PRKCH: variants seen among roughly 807,000 people sequenced by gnomAD.
PRKCH encodes protein kinase C eta, also known as protein kinase C eta type.
PRKCH carries 28 observed loss-of-function variants against 82.5 expected under a neutral mutation model. The ratio of observed to expected loss-of-function variants is 0.34; its 90% CI spans 0.25 to 0.47. The LOEUF is 0.47. PRKCH is among the 20% of genes least tolerant of loss of function. The probability of loss-of-function intolerance (pLI) is 1.00; values close to 1 mark genes in which losing one functional copy is unlikely to be tolerated. For missense variants in PRKCH, 705 were observed against 881.8 expected (o/e 0.80, Z 2.54); for synonymous variants, 322 against 327.4 (o/e 0.98, Z 0.18).
intron 1 of PRKCH, among the ~76,000 whole-genome samples, chr14:61,233,770 T>G (rs919606453): frequency 6.6e-6 from 1 of 152,208 alleles, no homozygotes; most frequent in Non-Finnish European, 1.5e-5. Context: ...CATGTAAAGT[T>G]TCACCATGAT....
intron 1 of PRKCH, among the ~76,000 whole-genome samples, chr14:61,300,411 G>A (rs374151001): frequency 6.6e-6 from 1 of 152,138 alleles, no homozygotes; most frequent in African/African-American, 2.4e-5. Context: ...TGCTAAGCCT[G>A]GCAATATGAC....
intron 2 of PRKCH, among the ~76,000 whole-genome samples, chr14:61,414,696 G>A (rs1882463716): frequency 6.8e-6 from 1 of 146,422 alleles, no homozygotes; most frequent in Non-Finnish European, 1.5e-5. Context: ...GGCTGGGCTG[G>A]TCTTGAACTC....
intron 1 of PRKCH, among the ~76,000 whole-genome samples, chr14:61,213,959 A>G (rs2044600244): frequency 6.6e-6 from 1 of 152,200 alleles, no homozygotes; most frequent in Non-Finnish European, 1.5e-5. Flanking sequence ...TATAGTTTAG[A>G]GACAACTTAG....
intron 3 of PRKCH, among the ~76,000 whole-genome samples, chr14:61,444,810 A>G (rs1473516352): frequency 1.3e-5 from 2 of 152,196 alleles, no homozygotes; most frequent in East Asian, 1.9e-4. Context: ...AAACTTTCAT[A>G]TAGTACTTAA....
intron 1 of PRKCH, among the ~76,000 whole-genome samples, chr14:61,247,735 CAAAAA>C (rs202153655): frequency 3.4e-4 from 18 of 52,720 alleles, no homozygotes; most frequent in Middle Eastern, 0.019. Flanking sequence ...GACTCCATCT[CAAAAA>C]AAAAAAAAAA....
At chr14:61,383,414 G>A (rs984293472) in intron 1 of PRKCH, among the ~76,000 whole-genome samples, 1 of 152,086 alleles carries the variant, frequency 6.6e-6, no homozygotes, top group African/African-American at 2.4e-5. Flanking sequence ...GGAGGTTACA[G>A]ACTTATTGCA....
chr14:61,487,598 A>G (rs1164433300), intron 10 of PRKCH, among the ~76,000 whole-genome samples: 1 of 152,002 alleles, frequency 6.6e-6, no homozygotes, highest in East Asian at 1.9e-4. Context: ...CCGAAGAGAG[A>G]CGTTTCCACA....
chr14:61,310,277 T>G (rs932852572), intron 1 of PRKCH, among the ~76,000 whole-genome samples: 15 of 152,202 alleles, frequency 9.9e-5, no homozygotes, highest in African/African-American at 3.4e-4. Context: ...ACAAGGCAAG[T>G]CCCTTCCGCC....
At chr14:61,515,887 C>T (rs1047469690) in intron 10 of PRKCH, among the ~76,000 whole-genome samples, 2 of 151,896 alleles carry the variant, frequency 1.3e-5, no homozygotes, top group Non-Finnish European at 2.9e-5. Flanking sequence ...AAGGGCTCTA[C>T]AGCACTTAAT....
chr14:61,500,454 T>A (rs1228620397), intron 10 of PRKCH, among the ~76,000 whole-genome samples: 1 of 152,104 alleles, frequency 6.6e-6, no homozygotes, highest in African/African-American at 2.4e-5. Flanking sequence ...CACTGTGGCC[T>A]CCTAAAGTGC....
At chr14:61,324,424 C>A (rs557238482) in intron 1 of PRKCH, among the ~76,000 whole-genome samples, 1 of 152,128 alleles carries the variant, frequency 6.6e-6, no homozygotes, top group Non-Finnish European at 1.5e-5. Flanking sequence ...GTTTTTCATG[C>A]GTTTGCATGC....
intron 1 of PRKCH, among the ~76,000 whole-genome samples, chr14:61,326,280 A>G (rs2140121565): frequency 6.6e-6 from 1 of 152,382 alleles, no homozygotes; most frequent in African/African-American, 2.4e-5. Flanking sequence ...GAACTATTAC[A>G]CATGTAACAA....
At chr14:61,296,049 A>C (rs2045403546) in intron 1 of PRKCH, among the ~76,000 whole-genome samples, 2 of 152,220 alleles carry the variant, frequency 1.3e-5, no homozygotes, top group Admixed American at 1.3e-4. Context: ...GAAAAGACAA[A>C]TCAGTAAAAT....
At chr14:61,311,438 T>C (rs998353860) in intron 1 of PRKCH, among the ~76,000 whole-genome samples, 3 of 152,342 alleles carry the variant, frequency 2.0e-5, no homozygotes, top group Admixed American at 1.3e-4. Context: ...TGGGCTTCAT[T>C]GTCCATATCA....
At chr14:61,471,287 G>A (rs562379916) in intron 9 of PRKCH, among the ~76,000 whole-genome samples, 9 of 152,314 alleles carry the variant, frequency 5.9e-5, no homozygotes, top group African/African-American at 1.2e-4. Flanking sequence ...GGTTCTGGCC[G>A]GTTTGAAGCC....
At chr14:61,312,707 C>G (rs930021321) in intron 1 of PRKCH, among the ~76,000 whole-genome samples, 2 of 152,072 alleles carry the variant, frequency 1.3e-5, no homozygotes, top group African/African-American at 4.8e-5. Context: ...TTTATAAAAC[C>G]ATCAGATCTC....
chr14:61,494,214 A>G (rs745589573), intron 10 of PRKCH, among the ~76,000 whole-genome samples: 1 of 152,156 alleles, frequency 6.6e-6, no homozygotes, highest in Non-Finnish European at 1.5e-5. Context: ...AGATCACCCA[A>G]TAGGAGTCTC....
chr14:61,209,687 T>G (rs1946820119), intron 1 of PRKCH, among the ~76,000 whole-genome samples: 1 of 152,186 alleles, frequency 6.6e-6, no homozygotes, highest in Admixed American at 6.5e-5. Flanking sequence ...TTCTTTTAGA[T>G]GCAGGGGATT....
At chr14:61,235,083 G>C (rs2044776688) in intron 1 of PRKCH, among the ~76,000 whole-genome samples, 1 of 152,206 alleles carries the variant, frequency 6.6e-6, no homozygotes. Context: ...GTTGATCCCA[G>C]ACACCTTTAG....
Sources: gnomAD v4.1 joint callset for allele counts (sites outside exome capture counted in the v4.1 genomes callset) on GRCh38, gnomAD v4.1.1 for gene constraint, MANE v1.5 for transcripts, NCBI Gene and HGNC (gene_info 2026-07-23, HGNC 2026-07-21) for gene names.